EYA2: variants seen among roughly 807,000 people sequenced by gnomAD.
EYA2 encodes EYA transcriptional coactivator and phosphatase 2, also known as protein phosphatase EYA2.
EYA2 carries 31 observed loss-of-function variants against 69.2 expected under a neutral mutation model. That is an observed-to-expected ratio of 0.45 (90% confidence interval 0.34 to 0.60). The LOEUF (loss-of-function observed/expected upper bound fraction) is 0.60, where lower values mean the gene tolerates loss of function less well. Ranked by LOEUF, EYA2 falls within the 20% of genes least tolerant of loss-of-function variation. EYA2 has a pLI of 0.02. For synonymous variants in EYA2, 257 were observed against 279.4 expected, an observed-to-expected ratio of 0.92 and a Z score of 0.80; for missense variants, 622 against 701.2, an observed-to-expected ratio of 0.89 and a Z score of 1.28.
At chr20:47,187,145 G>T (rs1298775714) in intron 15 of EYA2, among the ~76,000 whole-genome samples, 1 of 152,116 alleles carries the variant, frequency 6.6e-6, no homozygotes, top group Non-Finnish European at 1.5e-5. Context: ...GAGGTGGGTG[G>T]ATCGCTTGAG....
chr20:47,162,398 T>C (rs1479516200), intron 10 of EYA2, among the ~76,000 whole-genome samples: 2 of 152,148 alleles, frequency 1.3e-5, no homozygotes, highest in African/African-American at 4.8e-5. Context: ...TTTTAATAAA[T>C]ACTAGTTTCT....
chr20:47,058,216 A>G (rs1304516708), intron 5 of EYA2, among the ~76,000 whole-genome samples: 1 of 152,246 alleles, frequency 6.6e-6, no homozygotes, highest in Non-Finnish European at 1.5e-5. Flanking sequence ...ATCATCGGTC[A>G]TCAGAGAAAT....
At chr20:47,087,947 C>T (rs2011254) in intron 7 of EYA2, among the ~76,000 whole-genome samples, 18,161 of 152,204 alleles carry the variant, frequency 0.12, 1,374 homozygotes, top group Non-Finnish European at 0.16. Context: ...AGAGAAGTGG[C>T]GGGGCACAGT....
At chr20:46,945,623 CT>C (rs1978411105) in intron 1 of EYA2, among the ~76,000 whole-genome samples, 1 of 152,208 alleles carries the variant, frequency 6.6e-6, no homozygotes, top group South Asian at 2.1e-4. Context: ...TTTGTTTGGA[CT>C]TTTCATGACT....
chr20:47,066,857 T>C (rs2031128236), intron 5 of EYA2, among the ~76,000 whole-genome samples: 1 of 152,142 alleles, frequency 6.6e-6, no homozygotes, highest in Non-Finnish European at 1.5e-5. Context: ...TCACTGGGCA[T>C]TGTATCAGCC....
chr20:46,931,968 A>T (rs901298849), intron 1 of EYA2, among the ~76,000 whole-genome samples: 1 of 150,232 alleles, frequency 6.7e-6, no homozygotes, highest in African/African-American at 2.5e-5. Context: ...CAGCGCTGTG[A>T]TCTAGTATCC....
intron 5 of EYA2, among the ~76,000 whole-genome samples, chr20:47,019,002 C>T (rs1568727527): frequency 6.6e-6 from 1 of 152,194 alleles, no homozygotes; most frequent in African/African-American, 2.4e-5. Flanking sequence ...TGCCACTGCC[C>T]TCATCTTACA....
intron 4 of EYA2, 132 bp from the exon 5 acceptor site, chr20:47,016,049 C>T: frequency 1.4e-6 from 1 of 709,276 alleles, no homozygotes; most frequent in Admixed American, 2.0e-5. Context: ...GACAAGCCAC[C>T]AGTTTGCAAC....
At chr20:47,136,044 A>G (rs1006676443) in intron 9 of EYA2, among the ~76,000 whole-genome samples, 8 of 151,818 alleles carry the variant, frequency 5.3e-5, no homozygotes, top group Non-Finnish European at 1.0e-4. Flanking sequence ...GAAACAGAAA[A>G]CTTGGAAAAT....
At chr20:47,168,016 A>G (rs1194182949) in intron 10 of EYA2, among the ~76,000 whole-genome samples, 1 of 151,916 alleles carries the variant, frequency 6.6e-6, no homozygotes, top group South Asian at 2.1e-4. Flanking sequence ...ACCATTCAGC[A>G]GCCCCAGGGA....
intron 9 of EYA2, among the ~76,000 whole-genome samples, chr20:47,124,932 C>T (rs1259142413): frequency 6.6e-6 from 1 of 151,664 alleles, no homozygotes; most frequent in Admixed American, 6.6e-5. Context: ...AAAGAGGAAC[C>T]GGTTTCAACA....
intron 12 of EYA2, among the ~76,000 whole-genome samples, chr20:47,175,660 A>G (rs1208834497): frequency 6.6e-6 from 1 of 152,214 alleles, no homozygotes; most frequent in Non-Finnish European, 1.5e-5. Context: ...GCCTGGAGGA[A>G]AACGCCGAGG....
intron 1 of EYA2, among the ~76,000 whole-genome samples, chr20:46,988,874 G>C (rs188511868): frequency 1.9e-4 from 28 of 151,094 alleles, no homozygotes; most frequent in Middle Eastern, 3.4e-3. Flanking sequence ...AGCTAACTTT[G>C]TTGTATTTTT....
intron 1 of EYA2, among the ~76,000 whole-genome samples, chr20:46,932,730 A>G (rs1985726105): frequency 6.6e-6 from 1 of 152,114 alleles, no homozygotes; most frequent in Non-Finnish European, 1.5e-5. Context: ...TAAAAATACA[A>G]AAAAAATCAG....
intron 8 of EYA2, among the ~76,000 whole-genome samples, chr20:47,092,803 G>A (rs2032125458): frequency 6.6e-6 from 1 of 152,118 alleles, no homozygotes; most frequent in African/African-American, 2.4e-5. Flanking sequence ...CATCATAGAA[G>A]GTTTGCTTGG....
chr20:46,904,918 G>A (rs1033033730), intron 1 of EYA2, among the ~76,000 whole-genome samples: 3 of 152,312 alleles, frequency 2.0e-5, no homozygotes, highest in Admixed American at 2.0e-4. Context: ...TCACAAAATA[G>A]AGACAGTCCT....
At chr20:47,185,589 A>G (rs1019231840) in intron 15 of EYA2, among the ~76,000 whole-genome samples, 2 of 152,112 alleles carry the variant, frequency 1.3e-5, no homozygotes, top group Non-Finnish European at 1.5e-5. Flanking sequence ...GGTGTGAGCC[A>G]CCACACTCAG....
intron 15 of EYA2, among the ~76,000 whole-genome samples, chr20:47,184,619 TG>T (rs1315911928): frequency 1.3e-5 from 2 of 151,936 alleles, no homozygotes; most frequent in Admixed American, 1.3e-4. Context: ...GATGGGGTTT[TG>T]CCATGTTGCC....
At chr20:47,101,582 A>G (rs1016620868) in intron 9 of EYA2, among the ~76,000 whole-genome samples, 4 of 152,240 alleles carry the variant, frequency 2.6e-5, no homozygotes, top group African/African-American at 9.6e-5. Context: ...AAGAATGGGT[A>G]TTAGAGGACA....
Sources: allele counts gnomAD v4.1 joint callset (sites outside exome capture counted in the v4.1 genomes callset), GRCh38; gene constraint gnomAD v4.1.1; transcripts MANE v1.5; gene names NCBI Gene and HGNC (gene_info 2026-07-23, HGNC 2026-07-21).